The following PPP6R3 variants were observed in gnomAD, a reference collection of about 807,000 sequenced individuals.
PPP6R3 encodes the protein protein phosphatase 6 regulatory subunit 3, also known as serine/threonine-protein phosphatase 6 regulatory subunit 3.
In PPP6R3, 38 loss-of-function variants were observed where a neutral mutation model predicts 110.7. The ratio of observed to expected loss-of-function variants is 0.34; its 90% CI spans 0.26 to 0.45. The LOEUF is 0.45. Among genes scored for constraint, PPP6R3 ranks in the 20% least tolerant of loss-of-function variants. The pLI, the probability that PPP6R3 is intolerant of heterozygous loss-of-function variation, is 1.00. For missense variants in PPP6R3, 870 were observed against 1,062.4 expected (o/e 0.82, Z 2.52); for synonymous variants, 369 against 373.5 (o/e 0.99, Z 0.14).
chr11:68,471,739 G>C (rs966901126), intron 1 of PPP6R3, among the ~76,000 whole-genome samples: 5 of 152,152 alleles, frequency 3.3e-5, no homozygotes, highest in Non-Finnish European at 7.3e-5. Flanking sequence ...TTCTCCAGAG[G>C]ATGAATGACA....
intron 3 of PPP6R3, among the ~76,000 whole-genome samples, chr11:68,544,288 C>T (rs1190034974): frequency 6.6e-6 from 1 of 152,142 alleles, no homozygotes; most frequent in Non-Finnish European, 1.5e-5. Context: ...CCTGTTCCCC[C>T]CTTCATTATA....
intron 12 of PPP6R3, 144 bp downstream of exon 12, chr11:68,571,248 C>T: frequency 1.7e-6 from 2 of 1,164,868 alleles, no homozygotes; most frequent in Non-Finnish European, 2.3e-6. Context: ...CAGATTATTT[C>T]ATTGTAACAG....
chr11:68,582,786 C>T (rs1236681711), intron 14 of PPP6R3, among the ~76,000 whole-genome samples: 1 of 152,140 alleles, frequency 6.6e-6, no homozygotes, highest in Non-Finnish European at 1.5e-5. Context: ...CACCTTTCTT[C>T]TTGTCTGTTT....
chr11:68,553,601 A>G (rs1354189490), intron 6 of PPP6R3, among the ~76,000 whole-genome samples: 1 of 151,684 alleles, frequency 6.6e-6, no homozygotes, highest in Non-Finnish European at 1.5e-5. Context: ...CTGTACTTTC[A>G]CTTTTTTTTA....
At chr11:68,542,389 G>GTTTTGTTTTTTTTTTTTTTTTT (rs1555132285) in intron 3 of PPP6R3, among the ~76,000 whole-genome samples, 3 of 40,188 alleles carry the variant, frequency 7.5e-5, no homozygotes, top group Non-Finnish European at 1.2e-4. Context: ...AGAAGCTGCT[G>GTTTTGTTTTTTTTTTTTTTTTT]TTTTTTTTTT....
At chr11:68,531,645 T>C (rs993964689) in intron 2 of PPP6R3, among the ~76,000 whole-genome samples, 4 of 152,346 alleles carry the variant, frequency 2.6e-5, no homozygotes, top group African/African-American at 9.6e-5. Flanking sequence ...CTTTGAAAGT[T>C]TGGGAAGCTT....
intron 1 of PPP6R3, among the ~76,000 whole-genome samples, chr11:68,467,429 C>T (rs79751202): frequency 0.018 from 2,769 of 152,302 alleles, 85 homozygotes; most frequent in African/African-American, 0.063. Flanking sequence ...AGGACTAAAA[C>T]GGCTGCAGAC....
At chr11:68,565,002 G>A (rs142023101) in intron 9 of PPP6R3, among the ~76,000 whole-genome samples, 95 of 152,288 alleles carry the variant, frequency 6.2e-4, no homozygotes, top group Admixed American at 2.7e-3. Context: ...TACAGATTTA[G>A]ATTAGGGTGA....
chr11:68,584,383 T>G (rs1335243918), intron 15 of PPP6R3, among the ~76,000 whole-genome samples: 1 of 152,190 alleles, frequency 6.6e-6, no homozygotes, highest in Non-Finnish European at 1.5e-5. Flanking sequence ...CTGAGGCACC[T>G]GTAGAGTACT....
chr11:68,532,368 A>G (rs1485804046), intron 2 of PPP6R3, among the ~76,000 whole-genome samples: 1 of 152,238 alleles, frequency 6.6e-6, no homozygotes, highest in South Asian at 2.1e-4. Context: ...TGTGACATCA[A>G]GTAACAAATG....
intron 18 of PPP6R3, among the ~76,000 whole-genome samples, chr11:68,594,310 G>GAAAA (rs1350664618): frequency 3.3e-4 from 49 of 148,688 alleles, no homozygotes; most frequent in African/African-American, 1.2e-3. Flanking sequence ...GAGAGAGAGA[G>GAAAA]AGAGAGAGAA....
chr11:68,494,297 G>A (rs1314818598), intron 1 of PPP6R3, among the ~76,000 whole-genome samples: 42 of 151,090 alleles, frequency 2.8e-4, no homozygotes, highest in African/African-American at 9.0e-4. Flanking sequence ...AGGCCGAGGC[G>A]GGCGGATCAC....
intron 1 of PPP6R3, among the ~76,000 whole-genome samples, chr11:68,468,481 C>T (rs2098764991): frequency 6.6e-6 from 1 of 152,178 alleles, no homozygotes; most frequent in South Asian, 2.1e-4. Context: ...TGTTATTACA[C>T]CCTTAGATGG....
In PPP6R3 at chr11:68,613,898, A is replaced by ATTTTTTTTTTTTTTTTTTGGGT. The variant is rs1944635350; in HGVS notation, c.*801_*802insGTTTTTTTTTTTTTTTTTTTGG. On this transcript the variant is annotated 3_prime_UTR_variant, in exon 24 of 24. Transcript: ENST00000393800. ...GAGTGTATATGGCTTGTGTTTTGGG[A>ATTTTTTTTTTTTTTTTTTGGGT]TTTTTTTTTTTTTTTTTTGGCTTTT... 1 of 798,212 alleles carries ATTTTTTTTTTTTTTTTTTGGGT rather than the reference A, an allele frequency of 1.3e-6. No homozygotes were observed. 49.4% of individuals were successfully genotyped at this position (798,212 alleles called of 1,614,324 possible).
intron 1 of PPP6R3, among the ~76,000 whole-genome samples, chr11:68,502,196 C>T (rs780494169): frequency 3.2e-4 from 48 of 152,156 alleles, no homozygotes; most frequent in Non-Finnish European, 5.4e-4. Context: ...AAGTAAAAAA[C>T]GCATAAAATT....
At chr11:68,571,013 C>T (rs1424530538) in intron 11 of PPP6R3, 27 bp from the exon 12 acceptor site, 1 of 1,580,526 alleles carries the variant, frequency 6.3e-7, no homozygotes, top group African/African-American at 1.4e-5. Flanking sequence ...GAAGTATTAA[C>T]TGGAATATTC....
At position 68,614,656 on chromosome 11, in the gene PPP6R3, A is replaced by G. The variant is rs1489177782; in HGVS notation, c.*1539A>G. On this transcript the variant is annotated 3_prime_UTR_variant, in exon 24 of 24. Transcript: ENST00000393800. ...GTGGTGTGGAGATTCCAGCACTCCC[A>G]GGACAGTGGAGTCAGCAGTAAGCCC... 8 of 1,519,614 alleles carry G rather than the reference A, an allele frequency of 5.3e-6. No homozygotes were observed. Among genetic ancestry groups the G allele is most frequent in the Non-Finnish European group, 6.1e-6 (7 of 1,139,108 alleles). 94.1% of individuals were successfully genotyped at this position (1,519,614 alleles called of 1,614,324 possible).
chr11:68,608,695 G>T (rs1941725174), intron 22 of PPP6R3, among the ~76,000 whole-genome samples: 2 of 152,210 alleles, frequency 1.3e-5, no homozygotes, highest in African/African-American at 4.8e-5. Context: ...CGGGTGCTGT[G>T]CCACAGTCAG....
chr11:68,507,270 T>G (rs1287333251), intron 1 of PPP6R3, among the ~76,000 whole-genome samples: 3 of 149,664 alleles, frequency 2.0e-5, no homozygotes, highest in Non-Finnish European at 4.4e-5. Flanking sequence ...TTTTTTGGTA[T>G]AGTGATTATT....
Sources: gnomAD v4.1 joint callset for allele counts (sites outside exome capture counted in the v4.1 genomes callset) on GRCh38, gnomAD v4.1.1 for gene constraint, MANE v1.5 for transcripts, NCBI Gene and HGNC (gene_info 2026-07-23, HGNC 2026-07-21) for gene names.